Variants in ZBTB20 observed in about 807,000 individuals in gnomAD.
ZBTB20 encodes zinc finger and BTB domain containing 20, also known as zinc finger and BTB domain-containing protein 20.
A neutral mutation model predicts 56.9 loss-of-function variants in ZBTB20; 9 were observed. The observed-to-expected ratio is 0.16, with a 90% CI of 0.10 to 0.28. ZBTB20 has a LOEUF of 0.28. ZBTB20 is among the 10% of genes least tolerant of loss of function. The pLI, the probability that ZBTB20 is intolerant of heterozygous loss-of-function variation, is 1.00. For synonymous variants in ZBTB20, 417 were observed against 420.7 expected, an observed-to-expected ratio of 0.99 and a Z score of 0.11; for missense variants, 655 against 1,003.0, an observed-to-expected ratio of 0.65 and a Z score of 4.69.
intron 4 of ZBTB20, among the ~76,000 whole-genome samples, chr3:114,899,103 C>A (rs1359282006): frequency 6.6e-6 from 1 of 151,942 alleles, no homozygotes. Context: ...TGAAAAAATA[C>A]CAAGCATCTA....
At position 114,321,747 on chromosome 3, in the gene ZBTB20, T is replaced by C. The variant is rs1333285152; in HGVS notation, c.*17258A>G. 6.6e-6 allele frequency: 1 copy of C among 152,202 alleles called. No individual in the cohort carries two copies. Among genetic ancestry groups the C allele is most frequent in the East Asian group, 1.9e-4 (1 of 5,204 alleles). The allele number at this position is 152,202 out of a possible 1,614,324, so 9.4% of individuals were successfully genotyped here. Reference sequence around the variant, plus strand: ...TTAACTTTGAGCTGTCCTTGGTTTTTCTCTCAGTCAGTTGCTCCAGTTTAA... The same window carrying C: ...TTAACTTTGAGCTGTCCTTGGTTTTCCTCTCAGTCAGTTGCTCCAGTTTAA... On this transcript the variant is annotated 3_prime_UTR_variant, in exon 12 of 12. Transcript: ENST00000675478.
At position 114,326,123 on chromosome 3, in the gene ZBTB20, T is replaced by C. The variant is rs1189743110; in HGVS notation, c.*12882A>G. The C allele has an allele frequency of 6.6e-6, 1 of 152,138 alleles. No homozygotes were observed. Among genetic ancestry groups the C allele is most frequent in the Non-Finnish European group, 1.5e-5 (1 of 68,010 alleles). 9.4% of individuals were successfully genotyped at this position (152,138 alleles called of 1,614,324 possible). ...AAAGCAACAACTACAATGATAAAAATCAACAGATCAATTGATTTTGGCATT... is the reference window on the plus strand; with the variant it reads ...AAAGCAACAACTACAATGATAAAAACCAACAGATCAATTGATTTTGGCATT... On this transcript the variant is annotated 3_prime_UTR_variant, in exon 12 of 12. Transcript: ENST00000675478.
intron 6 of ZBTB20, among the ~76,000 whole-genome samples, chr3:114,581,116 A>C (rs952852157): frequency 6.6e-6 from 1 of 152,034 alleles, no homozygotes; most frequent in East Asian, 1.9e-4. Context: ...TCAAATAAAG[A>C]TCATATAAAC....
At chr3:114,414,089 A>C (rs1418151762) in intron 7 of ZBTB20, among the ~76,000 whole-genome samples, 1 of 152,128 alleles carries the variant, frequency 6.6e-6, no homozygotes. Context: ...GCTCTCATTA[A>C]GAGGGAACAA....
chr3:115,035,572 A>C (rs1008808384), intron 2 of ZBTB20, among the ~76,000 whole-genome samples: 2 of 140,076 alleles, frequency 1.4e-5, no homozygotes, highest in African/African-American at 6.3e-5. Context: ...CACACACACA[A>C]AACAAGTTTT....
chr3:114,968,260 T>C (rs540901254), intron 3 of ZBTB20, among the ~76,000 whole-genome samples: 59 of 152,312 alleles, frequency 3.9e-4, no homozygotes, highest in African/African-American at 1.4e-3. Flanking sequence ...CTTTAAAAAC[T>C]GTAATTAATG....
chr3:114,409,125 CTTTTTTTTT>C (rs56339103), intron 7 of ZBTB20, among the ~76,000 whole-genome samples: 13,588 of 72,584 alleles, frequency 0.19, 722 homozygotes, highest in South Asian at 0.28. Flanking sequence ...AAAGGGAAGA[CTTTTTTTTT>C]TTTTTTTTTT....
At chr3:115,034,713 A>G (rs571875240) in intron 2 of ZBTB20, among the ~76,000 whole-genome samples, 1 of 152,056 alleles carries the variant, frequency 6.6e-6, no homozygotes, top group East Asian at 1.9e-4. Flanking sequence ...ACAGAAATAG[A>G]AAAACTCATC....
intron 6 of ZBTB20, among the ~76,000 whole-genome samples, chr3:114,553,518 G>C (rs1363512274): frequency 6.6e-6 from 1 of 152,018 alleles, no homozygotes; most frequent in Non-Finnish European, 1.5e-5. Flanking sequence ...CTATAGAGAT[G>C]AACTATAGCT....
chr3:114,773,177 A>G (rs1343893375), intron 5 of ZBTB20, among the ~76,000 whole-genome samples: 1 of 152,188 alleles, frequency 6.6e-6, no homozygotes, highest in African/African-American at 2.4e-5. Flanking sequence ...CCTCCAGTTA[A>G]GAATCCAGCC....
In ZBTB20 at chr3:114,320,348, T is replaced by G. The variant is rs1399039001; in HGVS notation, c.*18657A>C. 1.3e-5 allele frequency: 2 copies of G among 152,184 alleles called. No homozygotes were observed. Among genetic ancestry groups the G allele is most frequent in the African/African-American group, 4.8e-5 (2 of 41,444 alleles). 9.4% of individuals were successfully genotyped at this position (152,184 alleles called of 1,614,324 possible). A position where few individuals can be genotyped will look rare whatever the true frequency, so the allele number is the denominator to read the frequency against. ...TTTAAATTAAAAGAAGAAATAAACG[T>G]TTCCCCCCATCTTTCTAAAGGAAAT... On this transcript the variant is annotated 3_prime_UTR_variant, in exon 12 of 12. Transcript: ENST00000675478.
intron 8 of ZBTB20, chr3:114,388,450 C>T (rs2085419256): frequency 6.6e-6 from 1 of 152,188 alleles, no homozygotes; most frequent in Non-Finnish European, 1.5e-5. Flanking sequence ...ATCAACTACA[C>T]AGACCCATAC....
intron 10 of ZBTB20, among the ~76,000 whole-genome samples, chr3:114,354,583 G>GTTTTTTTTTTTTTTTT (rs1310151895): frequency 2.2e-5 from 1 of 45,430 alleles, no homozygotes; most frequent in East Asian, 9.0e-4. Flanking sequence ...GTTTTGTTTT[G>GTTTTTTTTTTTTTTTT]TTTGTTTTTT....
intron 5 of ZBTB20, among the ~76,000 whole-genome samples, chr3:114,775,052 T>C (rs184585708): frequency 3.3e-5 from 5 of 152,310 alleles, no homozygotes; most frequent in Non-Finnish European, 7.3e-5. Context: ...CAAAACCTTT[T>C]GTTCCATTCC....
At chr3:114,662,985 C>A (rs1158948261) in intron 6 of ZBTB20, among the ~76,000 whole-genome samples, 2 of 150,274 alleles carry the variant, frequency 1.3e-5, no homozygotes, top group Admixed American at 1.3e-4. Context: ...TCCAGGAGAA[C>A]TTCCCCAATC....
chr3:114,957,516 C>T (rs2077289131), intron 3 of ZBTB20, among the ~76,000 whole-genome samples: 1 of 152,066 alleles, frequency 6.6e-6, no homozygotes, highest in Admixed American at 6.5e-5. Context: ...AAACCACTGC[C>T]GTAAAGAACA....
In ZBTB20 at chr3:114,461,214, A is replaced by G. The variant is rs981475818; in HGVS notation, c.-255+39138T>C. 3.3e-5 allele frequency among the ~76,000 whole-genome samples: 5 copies of G among 150,664 alleles called. No homozygotes were observed. In the South Asian group the frequency reaches 1.1e-3, roughly 32 times the overall value. On this transcript the variant is annotated intron_variant, in intron 7 of 11. Transcript: ENST00000675478. ...CTCTCTTGCTAGACCCCCACCCCAC[A>G]TTTTTTTCTGAGCTTTCTTAACAGA... is the stretch of plus-strand genomic sequence containing the variant.
chr3:114,811,954 G>A (rs937755553), intron 4 of ZBTB20, among the ~76,000 whole-genome samples: 1 of 152,116 alleles, frequency 6.6e-6, no homozygotes, highest in South Asian at 2.1e-4. Context: ...CGGCGTCTCC[G>A]CAGTTTGTTC....
intron 5 of ZBTB20, among the ~76,000 whole-genome samples, chr3:114,713,111 T>G (rs1029477924): frequency 2.0e-5 from 3 of 152,172 alleles, no homozygotes; most frequent in Non-Finnish European, 4.4e-5. Flanking sequence ...GCAAATCCCT[T>G]GTTTCATTTT....
Sources: gnomAD v4.1 joint callset for allele counts (sites outside exome capture counted in the v4.1 genomes callset) on GRCh38, gnomAD v4.1.1 for gene constraint, MANE v1.5 for transcripts, NCBI Gene and HGNC (gene_info 2026-07-23, HGNC 2026-07-21) for gene names.